Variants in CACNA2D2 observed in about 807,000 individuals in gnomAD.
The protein encoded by CACNA2D2 is voltage-dependent calcium channel subunit alpha-2/delta-2.
A neutral mutation model predicts 166.4 loss-of-function variants in CACNA2D2; 48 were observed. That is an observed-to-expected ratio of 0.29 (90% CI 0.23 to 0.37). The LOEUF is 0.37. CACNA2D2 is among the 10% of genes least tolerant of loss of function. The pLI is 1.00. For synonymous variants in CACNA2D2, 561 were observed against 573.7 expected, an observed-to-expected ratio of 0.98 and a Z score of 0.32; for missense variants, 1,122 against 1,433.0, an observed-to-expected ratio of 0.78 and a Z score of 3.50.
At chr3:50,434,188 T>C in intron 3 of CACNA2D2, 125 bp downstream of exon 3, 2 of 701,710 alleles carry the variant, frequency 2.9e-6, no homozygotes, top group South Asian at 1.7e-5. Context: ...GCCCTGCTGA[T>C]GTTGGCCCAG....
intron 3 of CACNA2D2, among the ~76,000 whole-genome samples, chr3:50,431,916 T>A (rs1404378029): frequency 7.2e-5 from 10 of 138,182 alleles, no homozygotes; most frequent in African/African-American, 2.9e-4. Context: ...ACTCAGGAGA[T>A]GGAGGTTGCA....
At position 50,374,823 on chromosome 3, in the gene CACNA2D2, G is replaced by C; in HGVS notation, c.1908-10C>G. ...GAGCACCAGCCCCAGGCTGAGGGGG[G>C]AGAAGCTCGGGTCACGGCTGGGGGG... On this transcript the variant is annotated splice_polypyrimidine_tract_variant and intron_variant, in intron 21 of 37. Coordinates refer to ENST00000424201, the MANE Select transcript of CACNA2D2 (RefSeq NM_006030.4). The C allele has an allele frequency of 1.3e-6, 2 of 1,581,986 alleles. No homozygotes were observed. The highest frequency in any genetic ancestry group is 1.7e-6 in the Non-Finnish European group (2 of 1,164,534).
At chr3:50,483,812 G>A (rs1248079331) in intron 1 of CACNA2D2, among the ~76,000 whole-genome samples, 1 of 152,174 alleles carries the variant, frequency 6.6e-6, no homozygotes, top group Non-Finnish European at 1.5e-5. Context: ...CTCCCTGCCT[G>A]AGGCCTGAGC....
intron 2 of CACNA2D2, among the ~76,000 whole-genome samples, chr3:50,462,666 T>G (rs1402067652): frequency 6.6e-6 from 1 of 151,574 alleles, no homozygotes; most frequent in Non-Finnish European, 1.5e-5. Context: ...GGATAATGCC[T>G]AAAACTGAAC....
At chr3:50,437,591 C>T (rs1708409618) in intron 2 of CACNA2D2, among the ~76,000 whole-genome samples, 1 of 152,206 alleles carries the variant, frequency 6.6e-6, no homozygotes, top group Non-Finnish European at 1.5e-5. Context: ...AGGGTGGGCC[C>T]TGAGCTGAGC....
intron 2 of CACNA2D2, among the ~76,000 whole-genome samples, chr3:50,445,996 G>T (rs996876095): frequency 6.6e-6 from 1 of 152,080 alleles, no homozygotes. Flanking sequence ...CAGCAACAGG[G>T]GCCAGCATTT....
intron 23 of CACNA2D2, among the ~76,000 whole-genome samples, chr3:50,369,705 A>G (rs1468630062): frequency 6.6e-6 from 1 of 152,206 alleles, no homozygotes; most frequent in Non-Finnish European, 1.5e-5. Flanking sequence ...CGGTGTGTAC[A>G]TGAGAACGTG....
chr3:50,420,718 T>C (rs1575660777), intron 3 of CACNA2D2, among the ~76,000 whole-genome samples: 1 of 152,022 alleles, frequency 6.6e-6, no homozygotes, highest in East Asian at 1.9e-4. Context: ...ATCACTGGGG[T>C]TCCTGTCAGC....
intron 3 of CACNA2D2, among the ~76,000 whole-genome samples, chr3:50,405,402 C>T (rs1706657248): frequency 6.6e-6 from 1 of 152,112 alleles, no homozygotes. Flanking sequence ...ACCTAGGCAG[C>T]AGGAACACCA....
chr3:50,409,010 G>A (rs2236960), intron 3 of CACNA2D2, among the ~76,000 whole-genome samples: 2,532 of 152,300 alleles, frequency 0.017, 81 homozygotes, highest in East Asian at 0.13. Flanking sequence ...ATCCCAGCTG[G>A]CTTAGCCCCC....
At chr3:50,478,101 T>G (rs1697876891) in intron 1 of CACNA2D2, among the ~76,000 whole-genome samples, 1 of 151,648 alleles carries the variant, frequency 6.6e-6, no homozygotes, top group African/African-American at 2.4e-5. Context: ...TTCGGCTTGT[T>G]GCTGGCTGAG....
chr3:50,367,238 T>C lies in CACNA2D2; in HGVS notation c.2402-129A>G. On this transcript the variant is annotated intron_variant, in intron 27 of 37. Transcript: ENST00000424201. This position sits in a 1 kb window ranked among gnomAD's most constrained non-coding sequence, Gnocchi z 6.5. ...CCCAAGCACCCAGCACTCAGGACAG[T>C]GTTTGGCACAGTCTATCCCTCTTTT... 2 of 984,254 alleles carry C rather than the reference T, an allele frequency of 2.0e-6. No homozygotes were observed. The highest frequency in any genetic ancestry group is 2.6e-5 in the East Asian group (1 of 38,408). 61.0% of individuals were successfully genotyped at this position (984,254 alleles called of 1,614,324 possible).
chr3:50,441,185 CTG>C (rs1375595398), intron 2 of CACNA2D2, among the ~76,000 whole-genome samples: 1 of 152,028 alleles, frequency 6.6e-6, no homozygotes, highest in Non-Finnish European at 1.5e-5. Flanking sequence ...CCTGGCGGCT[CTG>C]TGGTCCCTCG....
rs1704209935 is a variant in CACNA2D2, at chr3:50,365,566, C to T, written c.2971+67G>A. ...CCCTCAGTCGTAGACCCCACCCTCC[C>T]CATGGAGTCGTCTTAGCTCAGATTG... On this transcript the variant is annotated intron_variant, in intron 34 of 37. Transcript: ENST00000424201. This position sits in a 1 kb window ranked among gnomAD's most constrained non-coding sequence, Gnocchi z 4.5. 1 of 1,583,152 alleles carries T rather than the reference C, an allele frequency of 6.3e-7. No homozygotes were observed. Among genetic ancestry groups the T allele is most frequent in the Non-Finnish European group, 8.6e-7 (1 of 1,163,982 alleles).
intron 2 of CACNA2D2, among the ~76,000 whole-genome samples, chr3:50,466,531 G>A (rs1456377643): frequency 6.6e-6 from 1 of 152,156 alleles, no homozygotes; most frequent in Non-Finnish European, 1.5e-5. Flanking sequence ...ACGCTCACAT[G>A]TTACTTACAG....
intron 3 of CACNA2D2, among the ~76,000 whole-genome samples, chr3:50,429,000 C>T (rs553786461): frequency 2.6e-5 from 4 of 152,110 alleles, no homozygotes; most frequent in Admixed American, 6.5e-5. Context: ...GAGGCCGAGG[C>T]GCGCAGGTTG....
At position 50,384,331 on chromosome 3, in the gene CACNA2D2, G is replaced by C. The variant is rs773744547; in HGVS notation, c.517C>G (p.Pro173Ala). 1.9e-6 allele frequency: 3 copies of C among 1,613,408 alleles called. No individual in the cohort carries two copies. Among genetic ancestry groups the C allele is most frequent in the African/African-American group, 2.7e-5 (2 of 75,026 alleles). ...CCCCTTTCCACATCCTCACTCTCAG[G>C]GTCGTCCTGCAGAAAGGGCACCCCC... is the stretch of plus-strand genomic sequence containing the variant. Reference protein sequence around the residue: ...DAKADAELDDPESEDVERGSK... With the variant: ...DAKADAELDDAESEDVERGSK... The change falls in exon 6 of 38, where the codon CCT (proline) becomes GCT (alanine). Residue 173 changes from proline to alanine, a missense_variant. By Grantham distance (27) the Pro-to-Ala change is conservative. This residue lies in a region of CACNA2D2 where 840 missense variants were observed against 1,166.8 expected (regional missense o/e 0.72). Transcript: ENST00000424201.
At chr3:50,435,369 T>C (rs1000365174) in intron 2 of CACNA2D2, among the ~76,000 whole-genome samples, 1 of 151,988 alleles carries the variant, frequency 6.6e-6, no homozygotes, top group Non-Finnish European at 1.5e-5. Flanking sequence ...CAAGCCTGAC[T>C]GGGTCCATGT....
intron 2 of CACNA2D2, among the ~76,000 whole-genome samples, chr3:50,449,236 C>A (rs771685243): frequency 2.0e-4 from 30 of 152,230 alleles, no homozygotes; most frequent in Non-Finnish European, 3.4e-4. Flanking sequence ...GGCAGCCCCC[C>A]ACCCCTGTGA....
Sources: gnomAD v4.1 joint callset for allele counts (sites outside exome capture counted in the v4.1 genomes callset) on GRCh38, gnomAD v4.1.1 for gene constraint, gnomAD v4.1.1 regional missense constraint, Gnocchi (gnomAD v3.1) non-coding constraint, MANE v1.5 for transcripts, NCBI Gene and HGNC (gene_info 2026-07-23, HGNC 2026-07-21) for gene names.